Variants in CLDN10 observed in about 807,000 individuals in gnomAD.
CLDN10 encodes claudin 10.
A neutral mutation model predicts 22.9 loss-of-function variants in CLDN10; 15 were observed. That is an observed-to-expected ratio of 0.65 (90% CI 0.44 to 1.01). The LOEUF (loss-of-function observed/expected upper bound fraction) is 1.01. CLDN10 is among the 50% of genes least tolerant of loss of function. The pLI is 0.00. For synonymous variants in CLDN10, 114 were observed against 111.4 expected, an observed-to-expected ratio of 1.02 and a Z score of -0.15; for missense variants, 247 against 287.8, an observed-to-expected ratio of 0.86 and a Z score of 1.03.
intron 1 of CLDN10, among the ~76,000 whole-genome samples, chr13:95,553,762 G>C (rs1409515229): frequency 6.6e-6 from 1 of 152,164 alleles, no homozygotes; most frequent in Admixed American, 6.5e-5. Flanking sequence ...GTTCACCTGC[G>C]TTGCTCTGGT....
intron 1 of CLDN10, among the ~76,000 whole-genome samples, chr13:95,468,791 G>C (rs1219114339): frequency 6.6e-6 from 1 of 151,844 alleles, no homozygotes; most frequent in Non-Finnish European, 1.5e-5. Context: ...TCTTAGTCAA[G>C]GTATCTAGGC....
At chr13:95,441,486 C>G (rs1486677428) in intron 1 of CLDN10, among the ~76,000 whole-genome samples, 1 of 152,182 alleles carries the variant, frequency 6.6e-6, no homozygotes, top group South Asian at 2.1e-4. Flanking sequence ...TCAAGCAATC[C>G]TGTCTCAGCC....
intron 3 of CLDN10, among the ~76,000 whole-genome samples, chr13:95,562,840 G>T (rs577661786): frequency 6.6e-6 from 1 of 152,240 alleles, no homozygotes; most frequent in South Asian, 2.1e-4. Context: ...TCCTCAAATG[G>T]TCAAGGCTAA....
intron 1 of CLDN10, among the ~76,000 whole-genome samples, chr13:95,462,653 G>T (rs1203560722): frequency 1.3e-5 from 2 of 152,138 alleles, no homozygotes; most frequent in African/African-American, 2.4e-5. Flanking sequence ...TTTTAGGCCA[G>T]AACACACAAA....
chr13:95,533,311 G>A (rs966070962), intron 1 of CLDN10, among the ~76,000 whole-genome samples: 5 of 151,966 alleles, frequency 3.3e-5, no homozygotes, highest in Non-Finnish European at 5.9e-5. Context: ...TAGAATGTAG[G>A]TGTTGGGTAT....
intron 1 of CLDN10, among the ~76,000 whole-genome samples, chr13:95,453,833 C>T (rs116677984): frequency 0.013 from 1,909 of 151,982 alleles, 50 homozygotes; most frequent in African/African-American, 0.044. Flanking sequence ...TCTAGTGCCT[C>T]GCTGGGCACG....
chr13:95,492,912 T>C lies in CLDN10; in HGVS notation c.214+58865T>C, dbSNP rs552413978. 2.6e-5 allele frequency among the ~76,000 whole-genome samples: 4 copies of C among 152,270 alleles called. 1 individual carries two copies. Among genetic ancestry groups the C allele is most frequent in the Admixed American group, 2.6e-4 (4 of 15,296 alleles). Reference sequence around the variant, plus strand: ...AACTTGACTCAGCTTGAGGTAAAGTTGGAAACTTCTCCCAAAAACAGACCT... The same window carrying C: ...AACTTGACTCAGCTTGAGGTAAAGTCGGAAACTTCTCCCAAAAACAGACCT... On this transcript the variant is annotated intron_variant, in intron 1 of 4. Transcript: ENST00000376873.
intron 1 of CLDN10, among the ~76,000 whole-genome samples, chr13:95,440,942 G>A (rs1475860708): frequency 6.6e-6 from 1 of 152,178 alleles, no homozygotes; most frequent in Non-Finnish European, 1.5e-5. Context: ...GCAGTGTGCT[G>A]CAGGCTGTTC....
At chr13:95,544,782 T>G (rs1407077703) in intron 1 of CLDN10, among the ~76,000 whole-genome samples, 1 of 144,216 alleles carries the variant, frequency 6.9e-6, no homozygotes, top group African/African-American at 2.5e-5. Flanking sequence ...AGTTTTCAAC[T>G]TTTTTTTTTT....
At chr13:95,543,257 C>CTTATTTTTTTTTA (rs2043477684) in intron 1 of CLDN10, among the ~76,000 whole-genome samples, 2 of 152,032 alleles carry the variant, frequency 1.3e-5, no homozygotes, top group Non-Finnish European at 2.9e-5. Context: ...AAAATCCACC[C>CTTATTTTTTTTTA]TTTTGAGAAG....
rs1356415680 is a variant in CLDN10, at chr13:95,489,575, T to A, written c.214+55528T>A. Among the ~76,000 whole-genome samples the A allele has an allele frequency of 2.0e-5, 3 of 152,174 alleles. No homozygotes were observed. In the East Asian group the frequency reaches 5.8e-4, roughly 29 times the overall value. ...CTTGGGCCACTTTTTGATGGGATTT[T>A]TTTTCTTACTCATTTGAGCTTGTTG... On this transcript the variant is annotated intron_variant, in intron 1 of 4. Transcript: ENST00000376873.
At chr13:95,480,116 C>T (rs573183689) in intron 1 of CLDN10, among the ~76,000 whole-genome samples, 33 of 152,238 alleles carry the variant, frequency 2.2e-4, no homozygotes, top group African/African-American at 6.3e-4. Context: ...AAAACTTGTG[C>T]GGGGGAGCTC....
intron 3 of CLDN10, among the ~76,000 whole-genome samples, chr13:95,569,284 C>T (rs904635234): frequency 1.1e-4 from 16 of 152,150 alleles, no homozygotes; most frequent in African/African-American, 3.9e-4. Flanking sequence ...GGGGACCTAG[C>T]ATGAAACTAT....
chr13:95,546,732 C>G (rs1219562693), intron 1 of CLDN10, among the ~76,000 whole-genome samples: 1 of 152,148 alleles, frequency 6.6e-6, no homozygotes, highest in Non-Finnish European at 1.5e-5. Context: ...AGACACTAGA[C>G]TGTATTGCTT....
At chr13:95,508,472 AG>A (rs2043061090) in intron 1 of CLDN10, among the ~76,000 whole-genome samples, 1 of 152,274 alleles carries the variant, frequency 6.6e-6, no homozygotes, top group African/African-American at 2.4e-5. Context: ...TCCCAGCTAC[AG>A]GGAAAATCAA....
chr13:95,552,711 G>A (rs758047925), upstream of CLDN10: 5 of 1,569,036 alleles, frequency 3.2e-6, no homozygotes, highest in Admixed American at 1.8e-5. Context: ...GGGTCGCGGC[G>A]CAGAGTGGGA....
At chr13:95,552,421 C>A (rs1377004440), upstream of CLDN10, among the ~76,000 whole-genome samples, 1 of 152,224 alleles carries the variant, frequency 6.6e-6, no homozygotes, top group Non-Finnish European at 1.5e-5. Context: ...CACCCGGTTG[C>A]CAGTCTGAAC....
chr13:95,505,279 G>C (rs2043026139), intron 1 of CLDN10, among the ~76,000 whole-genome samples: 1 of 152,122 alleles, frequency 6.6e-6, no homozygotes, highest in African/African-American at 2.4e-5. Flanking sequence ...AATCAGATCT[G>C]GTTCTCTCTC....
In CLDN10 at chr13:95,552,720, G is replaced by GAGCCGGAGAGCGAGCGCGGCTGC. The variant is rs2043580854; in HGVS notation, c.-27_-5dup. The GAGCCGGAGAGCGAGCGCGGCTGC allele has an allele frequency of 4.4e-6, 7 of 1,588,666 alleles. No homozygotes were observed. The African/African-American group carries it at 6.7e-5, about 15-fold the overall frequency. On this transcript the variant is annotated 5_prime_UTR_variant, in exon 1 of 5. Coordinates refer to ENST00000299339, the MANE Select transcript of CLDN10 (RefSeq NM_006984.5). ...GTGCGGGGGTCGCGGCGCAGAGTGG[G>GAGCCGGAGAGCGAGCGCGGCTGC]AGCCGGAGAGCGAGCGCGGCTGCAG...
Sources: allele counts gnomAD v4.1 joint callset (sites outside exome capture counted in the v4.1 genomes callset), GRCh38; gene constraint gnomAD v4.1.1; transcripts MANE v1.5; gene names NCBI Gene and HGNC (gene_info 2026-07-23, HGNC 2026-07-21).